ERAP1: variants seen among roughly 807,000 people sequenced by gnomAD.
ERAP1 encodes the protein adipocyte-derived leucine aminopeptidase.
ERAP1 carries 86 observed loss-of-function variants against 103.7 expected under a neutral mutation model. The observed-to-expected ratio is 0.83, with a 90% CI of 0.70 to 0.99. ERAP1 has a LOEUF of 0.99. ERAP1 is among the 50% of genes least tolerant of loss of function. The pLI, the probability that ERAP1 is intolerant of heterozygous loss-of-function variation, is 0.00. For synonymous variants in ERAP1, 398 were observed against 402.4 expected, an observed-to-expected ratio of 0.99 and a Z score of 0.13; for missense variants, 1,009 against 1,128.4, an observed-to-expected ratio of 0.89 and a Z score of 1.52.
the ERAP1 span, among the ~76,000 whole-genome samples, chr5:96,881,982 T>C: frequency 2.2e-5 from 2 of 90,782 alleles, no homozygotes; most frequent in African/African-American, 8.9e-5. Context: ...GGGAAATGGG[T>C]ATCAGGAAGT....
Position 96,776,220 on chromosome 5 carries a change from C to G in ERAP1, c.*176G>C. The G allele has an allele frequency of 3.3e-6, 3 of 912,698 alleles. No homozygotes were observed. The highest frequency in any genetic ancestry group is 2.7e-5 in the East Asian group (1 of 37,538). The allele number at this position is 912,698 out of a possible 1,614,324, so 56.5% of individuals were successfully genotyped here. On this transcript the variant is annotated 3_prime_UTR_variant, in exon 19 of 19. Transcript: ENST00000443439. The stretch of plus-strand genomic sequence containing the variant: ...CTGTGATGAACAAAACACATGGTAG[C>G]GATAGCCCATTCATGAAAAACTAAC...
the ERAP1 span, among the ~76,000 whole-genome samples, chr5:96,828,592 T>C: frequency 6.6e-5 from 10 of 152,176 alleles, no homozygotes; most frequent in African/African-American, 2.4e-4. Context: ...ATTTGGATCA[T>C]AGTTACAAAA....
the ERAP1 span, chr5:96,912,513 G>C: frequency 5.1e-6 from 3 of 584,568 alleles, no homozygotes; most frequent in Non-Finnish European, 8.5e-6. Flanking sequence ...CAGAGAAAAA[G>C]ATTTAATACA....
chr5:96,889,624 A>G, the ERAP1 span: 8 of 641,978 alleles, frequency 1.2e-5, no homozygotes, highest in Non-Finnish European at 2.2e-5. Flanking sequence ...TCCAGGAAAG[A>G]GATGGGGAGA....
chr5:96,844,100 T>C, the ERAP1 span, among the ~76,000 whole-genome samples: 1 of 152,288 alleles, frequency 6.6e-6, no homozygotes, highest in African/African-American at 2.4e-5. Context: ...AACACCCTTC[T>C]TTCTCCCACT....
At chr5:96,831,288 G>A in the ERAP1 span, among the ~76,000 whole-genome samples, 1 of 152,154 alleles carries the variant, frequency 6.6e-6, no homozygotes, top group Non-Finnish European at 1.5e-5. Flanking sequence ...GCACTGAGGG[G>A]AAGGTGCTAA....
At chr5:96,773,601 T>A (rs1003364192), downstream of ERAP1, 1 of 151,530 alleles carries the variant, frequency 6.6e-6, no homozygotes, top group Admixed American at 6.6e-5. Flanking sequence ...TTTAAAAAAA[T>A]TATATATATA....
intron 5 of ERAP1, 128 bp downstream of exon 5, chr5:96,794,914 T>G: frequency 9.5e-7 from 1 of 1,048,316 alleles, no homozygotes; most frequent in Non-Finnish European, 1.4e-6. Context: ...ACCGCAGGTT[T>G]GTCACTTGCT....
downstream of ERAP1, chr5:96,773,958 T>TC (rs985179644): frequency 1.8e-4 from 27 of 151,880 alleles, no homozygotes; most frequent in East Asian, 3.0e-3. Context: ...CTTGTTAACC[T>TC]CCCCCCCAAA....
chr5:96,913,322 T>C, the ERAP1 span: 4 of 1,613,602 alleles, frequency 2.5e-6, no homozygotes, highest in South Asian at 1.1e-5. Context: ...TTCAGGTTAA[T>C]TGAACTAGGA....
the ERAP1 span, among the ~76,000 whole-genome samples, chr5:96,833,471 G>T: frequency 6.6e-6 from 1 of 152,172 alleles, no homozygotes; most frequent in Non-Finnish European, 1.5e-5. Flanking sequence ...ATGGTGTCAA[G>T]ATAAAAATGA....
chr5:96,814,033 TAAAAC>T, the ERAP1 span: 1 of 289,644 alleles, frequency 3.5e-6, no homozygotes, highest in South Asian at 3.3e-5. Flanking sequence ...CATATCAACT[TAAAAC>T]AACACATTTA....
the ERAP1 span, among the ~76,000 whole-genome samples, chr5:96,914,921 T>C: frequency 2.1e-5 from 3 of 143,044 alleles, no homozygotes; most frequent in Non-Finnish European, 4.5e-5. Flanking sequence ...AAATGATATA[T>C]AGTATAAAAA....
At chr5:96,909,484 G>A in the ERAP1 span, 1 of 912,228 alleles carries the variant, frequency 1.1e-6, no homozygotes, top group Non-Finnish European at 1.7e-6. Flanking sequence ...GATTGGGAAA[G>A]ATGCAGAAAG....
chr5:96,862,708 A>G, the ERAP1 span, among the ~76,000 whole-genome samples: 364 of 152,320 alleles, frequency 2.4e-3, 2 homozygotes, highest in African/African-American at 7.9e-3. Flanking sequence ...TGATGGCAAC[A>G]GGGTAACCTT....
chr5:96,785,538 G>T, intron 13 of ERAP1: 1 of 477,370 alleles, frequency 2.1e-6, no homozygotes, highest in Non-Finnish European at 3.8e-6. Flanking sequence ...CTACACTTCC[G>T]CCTCAGTATG....
At chr5:96,884,047 T>A in the ERAP1 span, 1 of 491,912 alleles carries the variant, frequency 2.0e-6, no homozygotes, top group Non-Finnish European at 3.5e-6. Context: ...TCTATCTATC[T>A]ATCTATCTAT....
intron 1 of ERAP1, chr5:96,805,637 A>G (rs1216041518): frequency 6.6e-6 from 1 of 152,304 alleles, no homozygotes; most frequent in Non-Finnish European, 1.5e-5. Flanking sequence ...TCCCAGTTCA[A>G]AAGGCACCAC....
In ERAP1 at chr5:96,804,658, G is replaced by A. The variant is rs532549480; in HGVS notation, c.-17-715C>T. On this transcript the variant is annotated intron_variant, in intron 1 of 18. Transcript: ENST00000443439. ...GATTTTAAAGACATAAAAGCAATGT[G>A]AATTTCAGGCCAGGCATGGTGGCTC... Among the ~76,000 whole-genome samples, 120 of 152,264 alleles carry A rather than the reference G, an allele frequency of 7.9e-4. 2 individuals are homozygous for A. In the South Asian group the frequency reaches 0.022, roughly 28 times the overall value.
Sources: allele counts gnomAD v4.1 joint callset (sites outside exome capture counted in the v4.1 genomes callset), GRCh38; gene constraint gnomAD v4.1.1; transcripts MANE v1.5; gene names NCBI Gene and HGNC (gene_info 2026-07-23, HGNC 2026-07-21).